The following HMGCLL1 variants were observed in gnomAD, a reference collection of about 807,000 sequenced individuals.
HMGCLL1 encodes 3-hydroxymethyl-3-methylglutaryl-CoA lyase, cytoplasmic.
In HMGCLL1, 36 loss-of-function variants were observed where a neutral mutation model predicts 39.1. The ratio of observed to expected loss-of-function variants is 0.92; its 90% CI spans 0.71 to 1.22. The LOEUF (loss-of-function observed/expected upper bound fraction) is 1.22, where lower values mean the gene tolerates loss of function less well. Among genes scored for constraint, HMGCLL1 ranks in the 50% most tolerant of loss-of-function variants. The probability of loss-of-function intolerance (pLI) is 0.00; values close to 1 mark genes in which losing one functional copy is unlikely to be tolerated. For synonymous variants in HMGCLL1, 149 were observed against 144.0 expected (o/e 1.03, Z -0.25); for missense variants, 451 against 416.5 (o/e 1.08, Z -0.72).
the HMGCLL1 span, among the ~76,000 whole-genome samples, chr6:55,609,094 C>T: frequency 1.3e-5 from 2 of 152,306 alleles, no homozygotes; most frequent in South Asian, 2.1e-4. Flanking sequence ...CCCACGCCAC[C>T]GGGGCCTTGC....
chr6:55,605,395 C>T, the HMGCLL1 span, among the ~76,000 whole-genome samples: 1 of 148,706 alleles, frequency 6.7e-6, no homozygotes, highest in South Asian at 2.2e-4. Flanking sequence ...TACCTGTTTC[C>T]CAGATAACTC....
chr6:55,664,783 A>G, the HMGCLL1 span, among the ~76,000 whole-genome samples: 28 of 151,810 alleles, frequency 1.8e-4, no homozygotes, highest in African/African-American at 6.5e-4. Context: ...TAAAGGATAC[A>G]CTTCCAATCT....
At chr6:55,562,870 C>T (rs1366525256) in intron 1 of HMGCLL1, among the ~76,000 whole-genome samples, 1 of 151,926 alleles carries the variant, frequency 6.6e-6, no homozygotes, top group Non-Finnish European at 1.5e-5. Context: ...TCAATTGCTG[C>T]AGTTCCTAAT....
chr6:55,559,959 A>G (rs937567207), intron 1 of HMGCLL1, among the ~76,000 whole-genome samples: 6 of 152,164 alleles, frequency 3.9e-5, no homozygotes, highest in African/African-American at 1.4e-4. Context: ...GAAAAAATAA[A>G]CTACTTCTTA....
the HMGCLL1 span, among the ~76,000 whole-genome samples, chr6:55,628,135 G>T: frequency 6.2e-4 from 14 of 22,620 alleles, no homozygotes; most frequent in South Asian, 1.0e-3. Context: ...AATATATATA[G>T]TATATATACT....
At chr6:55,473,857 GAGTAATTTT>G (rs1446791499) in intron 7 of HMGCLL1, among the ~76,000 whole-genome samples, 1 of 151,402 alleles carries the variant, frequency 6.6e-6, no homozygotes, top group African/African-American at 2.4e-5. Context: ...CACTTCTGAA[GAGTAATTTT>G]ATTGAACATA....
chr6:55,677,162 C>A, the HMGCLL1 span, among the ~76,000 whole-genome samples: 1 of 152,080 alleles, frequency 6.6e-6, no homozygotes, highest in Non-Finnish European at 1.5e-5. Flanking sequence ...TTTGGGAGGC[C>A]AAGGCAGGAG....
At chr6:55,650,893 CT>C in the HMGCLL1 span, among the ~76,000 whole-genome samples, 1 of 151,596 alleles carries the variant, frequency 6.6e-6, no homozygotes, top group Non-Finnish European at 1.5e-5. Context: ...CTTCTGTCAG[CT>C]TTTGGTGAAT....
At chr6:55,440,420 C>T (rs77997376) in intron 7 of HMGCLL1, among the ~76,000 whole-genome samples, 3,905 of 152,132 alleles carry the variant, frequency 0.026, 161 homozygotes, top group African/African-American at 0.09. Context: ...AGATTTGGTA[C>T]ATGATTATGC....
At chr6:55,527,289 C>CT (rs1340757487) in intron 3 of HMGCLL1, among the ~76,000 whole-genome samples, 1 of 152,020 alleles carries the variant, frequency 6.6e-6, no homozygotes, top group Non-Finnish European at 1.5e-5. Flanking sequence ...ATTTGAGGTA[C>CT]TTTTTAAAAA....
the HMGCLL1 span, among the ~76,000 whole-genome samples, chr6:55,631,528 G>C: frequency 5.3e-5 from 8 of 151,974 alleles, no homozygotes; most frequent in African/African-American, 1.2e-4. Context: ...TGCAGTCCCA[G>C]GAAAAGACAG....
At chr6:55,442,697 T>C (rs537209206) in intron 7 of HMGCLL1, among the ~76,000 whole-genome samples, 46 of 152,282 alleles carry the variant, frequency 3.0e-4, no homozygotes, top group African/African-American at 1.1e-3. Flanking sequence ...TTGCTTTCTT[T>C]CCATTACCAC....
the HMGCLL1 span, among the ~76,000 whole-genome samples, chr6:55,621,719 AG>A: frequency 1.3e-5 from 2 of 152,088 alleles, no homozygotes; most frequent in African/African-American, 4.8e-5. Flanking sequence ...ACAGAAATAA[AG>A]TACACAATAA....
chr6:55,449,243 A>AGGTACAG (rs1763979421), intron 7 of HMGCLL1, among the ~76,000 whole-genome samples: 1 of 152,330 alleles, frequency 6.6e-6, no homozygotes, highest in South Asian at 2.1e-4. Flanking sequence ...CCCTGTACTT[A>AGGTACAG]GGTATGGATA....
chr6:55,539,940 AGAAGGAAG>A (rs753957303), intron 3 of HMGCLL1, among the ~76,000 whole-genome samples: 1,478 of 56,948 alleles, frequency 0.026, 81 homozygotes, highest in Non-Finnish European at 0.037. Context: ...GAGGAGGAGG[AGAAGGAAG>A]GAAGGAAGGA....
In HMGCLL1 at chr6:55,539,710, G is replaced by A. The variant is rs143588655; in HGVS notation, c.297+2019C>T. On this transcript the variant is annotated intron_variant, in intron 3 of 8. Transcript: ENST00000274901. ...ACACTGGAGCGTATGGAAGAGTTGAGGGGGGGAGGAGGAGAGAATAAGGAA... is the reference window on the plus strand; with the variant it reads ...ACACTGGAGCGTATGGAAGAGTTGAAGGGGGGAGGAGGAGAGAATAAGGAA... Among the ~76,000 whole-genome samples, 236 of 151,352 alleles carry A rather than the reference G, an allele frequency of 1.6e-3. 1 individual carries two copies. The highest frequency in any genetic ancestry group is 5.6e-3 in the African/African-American group (229 of 41,212).
the HMGCLL1 span, among the ~76,000 whole-genome samples, chr6:55,628,010 C>T: frequency 8.9e-5 from 1 of 11,206 alleles, no homozygotes. Flanking sequence ...TAGTTATATA[C>T]TATATATATA....
intron 5 of HMGCLL1, 46 bp downstream of exon 5, chr6:55,514,002 A>T: frequency 6.4e-7 from 1 of 1,550,552 alleles, no homozygotes; most frequent in Non-Finnish European, 8.8e-7. Flanking sequence ...AGTAAGCTTT[A>T]ACAATAAACA....
chr6:55,669,188 T>C, the HMGCLL1 span, among the ~76,000 whole-genome samples: 1 of 151,810 alleles, frequency 6.6e-6, no homozygotes, highest in Non-Finnish European at 1.5e-5. Flanking sequence ...GGATCTATCA[T>C]TAGTAGCATA....
Sources: allele counts gnomAD v4.1 joint callset (sites outside exome capture counted in the v4.1 genomes callset), GRCh38; gene constraint gnomAD v4.1.1; transcripts MANE v1.5; gene names NCBI Gene and HGNC (gene_info 2026-07-23, HGNC 2026-07-21).